The following PRPSAP2 variants were observed in gnomAD, a reference collection of about 807,000 sequenced individuals.
The protein encoded by PRPSAP2 is phosphoribosyl pyrophosphate synthetase associated protein 2, also known as phosphoribosyl pyrophosphate synthase-associated protein 2.
PRPSAP2 carries 24 observed loss-of-function variants against 40.6 expected under a neutral mutation model. The ratio of observed to expected loss-of-function variants is 0.59; its 90% CI spans 0.43 to 0.83. PRPSAP2 has a LOEUF of 0.83. Ranked by LOEUF, PRPSAP2 falls within the 40% of genes least tolerant of loss-of-function variation. PRPSAP2 has a pLI of 0.00. For missense variants in PRPSAP2, 292 were observed against 465.6 expected (o/e 0.63, Z 3.43); for synonymous variants, 149 against 164.7 (o/e 0.90, Z 0.73).
chr17:18,917,033 G>T (rs1420067045), intron 9 of PRPSAP2, among the ~76,000 whole-genome samples: 2 of 152,144 alleles, frequency 1.3e-5, no homozygotes, highest in African/African-American at 4.8e-5. Context: ...TAGGAAGAAT[G>T]AATGTAGTTG....
chr17:18,929,030 G>T, intron 11 of PRPSAP2, 73 bp downstream of exon 11: 1 of 1,548,610 alleles, frequency 6.5e-7, no homozygotes, highest in Non-Finnish European at 8.7e-7. Context: ...GTTACAGAGA[G>T]TCAGGACAAG....
chr17:18,902,828 C>T (rs2040352738), intron 8 of PRPSAP2, among the ~76,000 whole-genome samples: 1 of 140,278 alleles, frequency 7.1e-6, no homozygotes, highest in African/African-American at 2.7e-5. Flanking sequence ...AGGATTGCGC[C>T]ATTGTACTCC....
At chr17:18,930,488 A>G (rs907382582) in intron 11 of PRPSAP2, 52 bp from the exon 12 acceptor site, 2 of 1,564,004 alleles carry the variant, frequency 1.3e-6, no homozygotes, top group East Asian at 2.2e-5. Flanking sequence ...AGATCAAACC[A>G]TGAAGCTACT....
At chr17:18,898,447 T>A (rs2040060010) in intron 8 of PRPSAP2, among the ~76,000 whole-genome samples, 1 of 152,236 alleles carries the variant, frequency 6.6e-6, no homozygotes, top group Non-Finnish European at 1.5e-5. Context: ...GTACCTCCTT[T>A]TGCCGCTTTT....
chr17:18,863,848 T>TTTTTTTTTG, intron 1 of PRPSAP2, among the ~76,000 whole-genome samples: 1 of 145,832 alleles, frequency 6.9e-6, no homozygotes, highest in Non-Finnish European at 1.5e-5. Flanking sequence ...TTTTTTTTTT[T>TTTTTTTTTG]TTTTTAATTT....
chr17:18,916,625 G>A (rs1457010877), intron 9 of PRPSAP2, among the ~76,000 whole-genome samples: 1 of 151,914 alleles, frequency 6.6e-6, no homozygotes, highest in Admixed American at 6.6e-5. Flanking sequence ...CAGGTGATCC[G>A]TCCACCTCAG....
At chr17:18,885,502 C>T (rs774283601) in intron 7 of PRPSAP2, among the ~76,000 whole-genome samples, 2 of 150,636 alleles carry the variant, frequency 1.3e-5, no homozygotes, top group African/African-American at 2.4e-5. Flanking sequence ...GAGACAGTCT[C>T]TCTCTGTCAC....
At chr17:18,862,370 T>C (rs1283120382) in intron 1 of PRPSAP2, among the ~76,000 whole-genome samples, 1 of 152,190 alleles carries the variant, frequency 6.6e-6, no homozygotes. Context: ...ACCTCTAAAA[T>C]ACTTTCATTC....
At chr17:18,871,669 T>TCC in intron 4 of PRPSAP2, among the ~76,000 whole-genome samples, 1 of 148,658 alleles carries the variant, frequency 6.7e-6, no homozygotes, top group Non-Finnish European at 1.5e-5. Context: ...TTTTTTTTTT[T>TCC]TTTTTTTTGA....
At chr17:18,926,690 A>C (rs566824795) in intron 10 of PRPSAP2, among the ~76,000 whole-genome samples, 47 of 152,302 alleles carry the variant, frequency 3.1e-4, no homozygotes, top group Non-Finnish European at 4.9e-4. Context: ...TTGCTTAACT[A>C]TAGTACAATA....
rs34126027 is a variant in PRPSAP2, at chr17:18,873,191, C to CTTT, written c.239+559_239+561dup. ...ATAACCAAGTATTGGAGTAGAGGCT[C>CTTT]TTTTTTTTTTTTTTTTTTTGAGACA... On this transcript the variant is annotated intron_variant, in intron 5 of 11. Transcript: ENST00000268835. 2.8e-3 allele frequency among the ~76,000 whole-genome samples: 303 copies of CTTT among 108,136 alleles called. 10 individuals carry two copies. Among genetic ancestry groups the CTTT allele is most frequent in the Middle Eastern group, 6.9e-3 (1 of 144 alleles). 70.9% of individuals were successfully genotyped at this position (108,136 alleles called of 152,430 possible). A position where few individuals can be genotyped will look rare whatever the true frequency, so the allele number is the denominator to read the frequency against.
intron 7 of PRPSAP2, among the ~76,000 whole-genome samples, chr17:18,885,101 T>C (rs1655260222): frequency 6.6e-6 from 1 of 151,998 alleles, no homozygotes; most frequent in South Asian, 2.1e-4. Flanking sequence ...TTTAGTTTCA[T>C]TGTTGAGAAG....
chr17:18,859,004 G>C (rs144354096), intron 1 of PRPSAP2, among the ~76,000 whole-genome samples: 264 of 152,154 alleles, frequency 1.7e-3, no homozygotes, highest in African/African-American at 6.2e-3. Context: ...GTTGTGATTT[G>C]AGCTCGTTCC....
upstream of PRPSAP2, among the ~76,000 whole-genome samples, chr17:18,857,591 T>TTA (rs1335721429): frequency 2.0e-5 from 3 of 150,316 alleles, no homozygotes; most frequent in Non-Finnish European, 4.4e-5. Flanking sequence ...TTTTTTTTTT[T>TTA]TGTATTTTTA....
rs1039251431 is a variant in PRPSAP2, at chr17:18,930,838, A to G, written c.*140A>G. 2.0e-5 allele frequency: 14 copies of G among 715,628 alleles called. No homozygotes were observed. Among genetic ancestry groups the G allele is most frequent in the Admixed American group, 1.5e-4 (4 of 26,730 alleles). 44.3% of individuals were successfully genotyped at this position (715,628 alleles called of 1,614,324 possible). ...ACTTCTTATTGATTCCTAAGAAGAT[A>G]GACCAACTTTTTATGTCGGTTTGGG... On this transcript the variant is annotated 3_prime_UTR_variant, in exon 12 of 12. Coordinates refer to ENST00000268835, the MANE Select transcript of PRPSAP2 (RefSeq NM_002767.4).
intron 5 of PRPSAP2, among the ~76,000 whole-genome samples, chr17:18,873,622 C>CA (rs2038063086): frequency 1.3e-5 from 2 of 152,182 alleles, no homozygotes; most frequent in South Asian, 4.1e-4. Flanking sequence ...CCAAAAGAAA[C>CA]AGAGGCTAGG....
chr17:18,930,740 TAA>T lies in PRPSAP2; in HGVS notation c.*43_*44del. 6.5e-7 allele frequency: 1 copy of T among 1,544,562 alleles called. No individual in the cohort carries two copies. The highest frequency in any genetic ancestry group is 8.9e-7 in the Non-Finnish European group (1 of 1,126,830). ...ACTCCCGAGGGCCAAACTGGAAACATAAGAGTGACTGCTCGGTGGGATGGATT... is the reference window on the plus strand; with the variant it reads ...ACTCCCGAGGGCCAAACTGGAAACATGAGTGACTGCTCGGTGGGATGGATT... On this transcript the variant is annotated 3_prime_UTR_variant, in exon 12 of 12. Transcript: ENST00000268835.
intron 8 of PRPSAP2, among the ~76,000 whole-genome samples, chr17:18,906,436 G>A (rs2040588918): frequency 6.6e-6 from 1 of 151,976 alleles, no homozygotes. Context: ...GGATAGTTTC[G>A]ATCTCTTGAC....
At chr17:18,895,299 G>A (rs1472999625) in intron 8 of PRPSAP2, among the ~76,000 whole-genome samples, 3 of 151,612 alleles carry the variant, frequency 2.0e-5, no homozygotes, top group Non-Finnish European at 2.9e-5. Flanking sequence ...GGGTCTGACT[G>A]TGTTGCCTAG....
Sources: gnomAD v4.1 joint callset for allele counts (sites outside exome capture counted in the v4.1 genomes callset) on GRCh38, gnomAD v4.1.1 for gene constraint, MANE v1.5 for transcripts, NCBI Gene and HGNC (gene_info 2026-07-23, HGNC 2026-07-21) for gene names.